Variants in RPL13 observed in about 807,000 individuals in gnomAD.
RPL13 encodes ribosomal protein L13.
In RPL13, 1 loss-of-function variant was observed where a neutral mutation model predicts 21.4. That is an observed-to-expected ratio of 0.05 (90% confidence interval 0.02 to 0.22). RPL13 has a LOEUF of 0.22. RPL13 is among the 10% of genes least tolerant of loss of function. The pLI, the probability that RPL13 is intolerant of heterozygous loss-of-function variation, is 1.00. For synonymous variants in RPL13, 143 were observed against 120.5 expected, an observed-to-expected ratio of 1.19 and a Z score of -1.23; for missense variants, 289 against 303.0, an observed-to-expected ratio of 0.95 and a Z score of 0.34.
In RPL13 at chr16:89,562,386, C is replaced by A. The variant is rs573549470; in HGVS notation, c.472C>A (p.Arg158=). Residue 158 remains arginine, a synonymous_variant, in exon 5 of 6, where the codon CGG becomes AGG. Transcript: ENST00000311528. The part of the protein sequence containing the change: ...TQLTGPVMPV[R]NVYKKEKARV... Reference sequence around the variant, plus strand: ...GCTGACCGGACCGGTCATGCCCGTCCGGAACGTAAGTGAACACTTACTCAA... The same window carrying A: ...GCTGACCGGACCGGTCATGCCCGTCAGGAACGTAAGTGAACACTTACTCAA... 6.2e-7 allele frequency: 1 copy of A among 1,611,618 alleles called. No individual in the cohort carries two copies. The highest frequency in any genetic ancestry group is 1.3e-5 in the African/African-American group (1 of 74,786).
rs994582387 is a variant in RPL13, at chr16:89,564,485, A to G, written c.*1443A>G. ...AACACTGGGAGGCCGAGGCGGGTGG[A>G]TCACCTGATGGTGAAACCTCATCTC... is the stretch of plus-strand genomic sequence containing the variant. On this transcript the variant is annotated 3_prime_UTR_variant, in exon 6 of 6. Transcript: ENST00000311528. 6.6e-6 allele frequency: 1 copy of G among 152,116 alleles called. No individual in the cohort carries two copies. Among genetic ancestry groups the G allele is most frequent in the African/African-American group, 2.4e-5 (1 of 41,406 alleles). 9.4% of individuals were successfully genotyped at this position (152,116 alleles called of 1,614,324 possible).
Position 89,561,352 on chromosome 16 carries a change from G to T in RPL13, c.230G>T (p.Ser77Ile). 3 of 1,605,954 alleles carry T rather than the reference G, an allele frequency of 1.9e-6. No individual in the cohort carries two copies. The highest frequency in any genetic ancestry group is 1.3e-5 in the African/African-American group (1 of 75,052). The stretch of plus-strand genomic sequence containing the variant: ...AAGGTGCGCGCCGGCCGCGGCTTCA[G>T]CCTGGAGGAGCTCAGGGTGAGTACT... ...HTKVRAGRGF[S>I]LEELRVAGIH... is the part of the protein sequence containing the mutation. The change falls in exon 3 of 6, where the codon AGC (serine) becomes ATC (isoleucine). Residue 77 changes from serine (S) to isoleucine (I), a missense_variant. Ser to Ile is a moderately radical substitution (Grantham distance 142). Transcript: ENST00000311528.
chr16:89,565,641 C>CGTGCCCG (rs1204476266), downstream of RPL13: 9 of 152,378 alleles, frequency 5.9e-5, no homozygotes, highest in East Asian at 1.9e-4. Context: ...CGAGTGTGGC[C>CGTGCCCG]ATCCCTGAGT....
chr16:89,561,004 C>T lies in RPL13; in HGVS notation c.45C>T (p.His15=), dbSNP rs2058739170. 1.2e-6 allele frequency: 2 copies of T among 1,607,446 alleles called. No individual in the cohort carries two copies. The highest frequency in any genetic ancestry group is 1.1e-5 in the South Asian group (1 of 90,394). Residue 15 remains histidine, a synonymous_variant, in exon 2 of 6, where the codon CAC becomes CAT. Coordinates refer to ENST00000311528, the MANE Select transcript of RPL13 (RefSeq NM_000977.4). ...RNGMVLKPHF[H]KDWQRRVATW... ...GCATGGTCTTGAAGCCCCACTTCCA[C>T]AAGGACTGGCAGCGGCGCGTGGCCA...
In RPL13 at chr16:89,563,115, T is replaced by C; in HGVS notation, c.*73T>C. The C allele has an allele frequency of 7.4e-7, 1 of 1,357,870 alleles. No homozygotes were observed. Among genetic ancestry groups the C allele is most frequent in the South Asian group, 1.8e-5 (1 of 56,344 alleles). 84.1% of individuals were successfully genotyped at this position (1,357,870 alleles called of 1,614,324 possible). A position where few individuals can be genotyped will look rare whatever the true frequency, so the allele number is the denominator to read the frequency against. On this transcript the variant is annotated 3_prime_UTR_variant, in exon 6 of 6. Coordinates refer to ENST00000311528, the MANE Select transcript of RPL13 (RefSeq NM_000977.4). Reference sequence around the variant, plus strand: ...ACGTGGTGTGTTTCGTGGGAACAACTGGGCCTGGGATGGGGCTTCACTGCT... The same window carrying C: ...ACGTGGTGTGTTTCGTGGGAACAACCGGGCCTGGGATGGGGCTTCACTGCT...
chr16:89,561,202 C>G, intron 2 of RPL13, 25 bp from the exon 3 acceptor site: 1 of 1,532,328 alleles, frequency 6.5e-7, no homozygotes. Context: ...GCAAGGGTGA[C>G]CGCCGCTGCG....
At chr16:89,565,990 A>G (rs924586513), downstream of RPL13, 3 of 152,244 alleles carry the variant, frequency 2.0e-5, no homozygotes, top group African/African-American at 7.2e-5. Flanking sequence ...CAGGCTCCTC[A>G]TTCCGTTTTG....
At chr16:89,560,743 A>C in intron 1 of RPL13, 31 bp downstream of exon 1, 1 of 507,040 alleles carries the variant, frequency 2.0e-6, no homozygotes. Flanking sequence ...GCCTTTGGGC[A>C]TCATCCAGCG....
chr16:89,562,456 G>C, intron 5 of RPL13, 65 bp downstream of exon 5: 1 of 1,498,778 alleles, frequency 6.7e-7, no homozygotes, highest in South Asian at 1.2e-5. Context: ...GTGGGTATCT[G>C]AGATGCGGGT....
Position 89,560,729 on chromosome 16 carries a change from C to A in RPL13, c.-21+17C>A. On this transcript the variant is annotated intron_variant, in intron 1 of 5. Transcript: ENST00000311528. The stretch of plus-strand genomic sequence containing the variant: ...GCGCAGGAGGTGAGGGAGACTGGGT[C>A]CTGGCCTTTGGGCATCATCCAGCGC... 1 of 497,212 alleles carries A rather than the reference C, an allele frequency of 2.0e-6. No individual in the cohort carries two copies. The highest frequency in any genetic ancestry group is 3.5e-6 in the Non-Finnish European group (1 of 282,902). 30.8% of individuals were successfully genotyped at this position (497,212 alleles called of 1,614,324 possible). A position where few individuals can be genotyped will look rare whatever the true frequency, so the allele number is the denominator to read the frequency against.
At chr16:89,566,317 G>T (rs12932628), downstream of RPL13, 55,913 of 123,398 alleles carry the variant, frequency 0.45, 12,439 homozygotes, top group Middle Eastern at 0.57. Flanking sequence ...CAGGAGGCAC[G>T]AGTCGCCTGC....
chr16:89,561,405 C>G, intron 3 of RPL13, 37 bp downstream of exon 3: 2 of 1,612,130 alleles, frequency 1.2e-6, no homozygotes, highest in Non-Finnish European at 1.7e-6. Context: ...AGGAAGGCCC[C>G]GAAGTCCCCT....
chr16:89,562,253 G>T, intron 4 of RPL13, 82 bp from the exon 5 acceptor site: 1 of 1,352,718 alleles, frequency 7.4e-7, no homozygotes, highest in Non-Finnish European at 1.1e-6. Context: ...GGAATCCCCA[G>T]GGGAAAGTTT....
rs975116833 is a variant in RPL13 at position 89,563,204 on chromosome 16, C to T, written c.*162C>T. On this transcript the variant is annotated 3_prime_UTR_variant, in exon 6 of 6. Transcript: ENST00000311528. ...AAGACAGTCCAAGCCCTGGATAATGCTTTACTTTCTGTGTTGAAGCACTGT... is the reference window on the plus strand; with the variant it reads ...AAGACAGTCCAAGCCCTGGATAATGTTTTACTTTCTGTGTTGAAGCACTGT... The T allele has an allele frequency of 2.4e-4, 148 of 618,128 alleles. No homozygotes were observed. The highest frequency in any genetic ancestry group is 3.4e-4 in the Non-Finnish European group (136 of 403,076). 38.3% of individuals were successfully genotyped at this position (618,128 alleles called of 1,614,324 possible).
intron 2 of RPL13, 27 bp from the exon 3 acceptor site, chr16:89,561,200 G>A (rs747177382): frequency 2.7e-5 from 42 of 1,531,214 alleles, no homozygotes; most frequent in Non-Finnish European, 3.5e-5. Flanking sequence ...AGGCAAGGGT[G>A]ACCGCCGCTG....
chr16:89,560,895 C>T (rs2058738110), intron 1 of RPL13, 45 bp from the exon 2 acceptor site: 2 of 1,442,646 alleles, frequency 1.4e-6, no homozygotes, highest in Admixed American at 4.1e-5. Flanking sequence ...GGGGGGTGCG[C>T]GCGCCCGGGG....
chr16:89,562,165 C>G, intron 4 of RPL13, 170 bp from the exon 5 acceptor site: 2 of 666,700 alleles, frequency 3.0e-6, no homozygotes, highest in African/African-American at 1.8e-5. Flanking sequence ...ATATAGTCAC[C>G]TAACTAATAA....
rs2058739863 is a variant in RPL13 at position 89,561,076 on chromosome 16, C to G, written c.104+13C>G. The stretch of plus-strand genomic sequence containing the variant: ...GTAAGATCCGCAGGTGAGCCCTGCG[C>G]TCGGGGCTGCCCCTGGGGCTCGTGC... On this transcript the variant is annotated intron_variant, in intron 2 of 5. Coordinates refer to ENST00000311528, the MANE Select transcript of RPL13 (RefSeq NM_000977.4). The G allele has an allele frequency of 6.3e-7, 1 of 1,597,830 alleles. No homozygotes were observed. The highest frequency in any genetic ancestry group is 1.1e-5 in the South Asian group (1 of 88,820).
chr16:89,562,099 C>T (rs1011347018), intron 4 of RPL13: 108 of 592,470 alleles, frequency 1.8e-4, no homozygotes, highest in Middle Eastern at 1.7e-3. Flanking sequence ...TTCTCTGCCC[C>T]GCCCGTGGTT....
Sources: gnomAD v4.1 joint callset for allele counts on GRCh38, gnomAD v4.1.1 for gene constraint, MANE v1.5 for transcripts, NCBI Gene and HGNC (gene_info 2026-07-23, HGNC 2026-07-21) for gene names.